Variants in ATOSA observed in about 807,000 individuals in gnomAD.
ATOSA encodes the protein atos homolog protein A.
chr15:52,587,019 G>T, the ATOSA span: 1 of 1,540,810 alleles, frequency 6.5e-7, no homozygotes, highest in Non-Finnish European at 8.7e-7. Context: ...CAGAGCAGGG[G>T]AACTCCAAAC....
chr15:52,663,955 T>G, the ATOSA span, among the ~76,000 whole-genome samples: 1 of 152,222 alleles, frequency 6.6e-6, no homozygotes, highest in African/African-American at 2.4e-5. Flanking sequence ...CGTATCTACA[T>G]AAAATGAATG....
chr15:52,643,270 G>T, the ATOSA span, among the ~76,000 whole-genome samples: 2 of 152,028 alleles, frequency 1.3e-5, no homozygotes, highest in Non-Finnish European at 2.9e-5. Context: ...AAAAATTATA[G>T]CTAGTGACTC....
chr15:52,634,482 T>C, the ATOSA span, among the ~76,000 whole-genome samples: 4 of 150,256 alleles, frequency 2.7e-5, no homozygotes, highest in East Asian at 3.9e-4. Flanking sequence ...ATATCAACAA[T>C]AACCTTAAAT....
chr15:52,665,276 G>C, the ATOSA span, among the ~76,000 whole-genome samples: 17 of 152,296 alleles, frequency 1.1e-4, no homozygotes, highest in Admixed American at 1.1e-3. Context: ...TTGAAATTAC[G>C]GGGGTGAGGG....
the ATOSA span, among the ~76,000 whole-genome samples, chr15:52,709,213 T>C: frequency 3.3e-5 from 5 of 152,198 alleles, no homozygotes; most frequent in South Asian, 4.1e-4. Context: ...AAACCCACGA[T>C]TGATCATTTT....
the ATOSA span, among the ~76,000 whole-genome samples, chr15:52,680,018 G>A: frequency 7.0e-6 from 1 of 143,752 alleles, no homozygotes; most frequent in Admixed American, 7.0e-5. Flanking sequence ...AAGGATTTTA[G>A]TAGGATTCAG....
chr15:52,681,916 G>A, the ATOSA span, among the ~76,000 whole-genome samples: 17 of 152,192 alleles, frequency 1.1e-4, 1 homozygote, highest in Non-Finnish European at 2.2e-4. Flanking sequence ...AGGCTGTTAC[G>A]ATGACCAAAG....
chr15:52,652,315 G>GT, the ATOSA span, among the ~76,000 whole-genome samples: 2 of 152,260 alleles, frequency 1.3e-5, no homozygotes, highest in East Asian at 1.9e-4. Flanking sequence ...AGAGAAATTC[G>GT]TAAGACAAAA....
At chr15:52,585,061 A>AT in the ATOSA span, 14 of 736,850 alleles carry the variant, frequency 1.9e-5, no homozygotes, top group Non-Finnish European at 2.9e-5. Context: ...CACTGAATAT[A>AT]ATTCAGTTTC....
At chr15:52,642,073 T>C in the ATOSA span, among the ~76,000 whole-genome samples, 7 of 152,278 alleles carry the variant, frequency 4.6e-5, no homozygotes, top group Admixed American at 3.9e-4. Flanking sequence ...CAATTATTTA[T>C]TTTGTGTTAT....
chr15:52,596,274 C>T, the ATOSA span, among the ~76,000 whole-genome samples: 5 of 152,004 alleles, frequency 3.3e-5, no homozygotes, highest in African/African-American at 7.3e-5. Context: ...TTAATGTAGG[C>T]CAAACAAAAT....
the ATOSA span, among the ~76,000 whole-genome samples, chr15:52,647,522 C>T: frequency 1.3e-5 from 2 of 152,152 alleles, no homozygotes; most frequent in African/African-American, 4.8e-5. Context: ...TAATTTCTGC[C>T]TTCCAGGCAG....
At chr15:52,583,036 T>C in the ATOSA span, among the ~76,000 whole-genome samples, 1 of 152,222 alleles carries the variant, frequency 6.6e-6, no homozygotes, top group African/African-American at 2.4e-5. Flanking sequence ...ATTTTACTCC[T>C]GAACTAGCTG....
At chr15:52,595,828 G>T in the ATOSA span, among the ~76,000 whole-genome samples, 1 of 152,212 alleles carries the variant, frequency 6.6e-6, no homozygotes, top group African/African-American at 2.4e-5. Flanking sequence ...CAAAAATCTG[G>T]GCTAGGCGTG....
the ATOSA span, among the ~76,000 whole-genome samples, chr15:52,619,351 A>G: frequency 2.0e-5 from 3 of 152,186 alleles, no homozygotes; most frequent in African/African-American, 7.2e-5. Context: ...GAATATGACT[A>G]ATTTTTGGGA....
At chr15:52,660,223 G>T in the ATOSA span, among the ~76,000 whole-genome samples, 1 of 152,126 alleles carries the variant, frequency 6.6e-6, no homozygotes. Context: ...CCTGTGACAG[G>T]TATGAGGAAA....
the ATOSA span, among the ~76,000 whole-genome samples, chr15:52,703,840 A>G: frequency 6.6e-6 from 1 of 152,236 alleles, no homozygotes; most frequent in East Asian, 1.9e-4. Context: ...TTAAAGTATA[A>G]TTTTTTAAAA....
chr15:52,641,276 T>C, the ATOSA span, among the ~76,000 whole-genome samples: 1 of 152,262 alleles, frequency 6.6e-6, no homozygotes, highest in Non-Finnish European at 1.5e-5. Flanking sequence ...CTGGATATTT[T>C]ACGAGAAAGG....
the ATOSA span, chr15:52,611,324 A>T: frequency 6.4e-7 from 1 of 1,560,870 alleles, no homozygotes; most frequent in South Asian, 1.2e-5. Context: ...GAATGGCAGA[A>T]GCTGAGATCC....
Sources: gnomAD v4.1 joint callset for allele counts (sites outside exome capture counted in the v4.1 genomes callset) on GRCh38, gnomAD v4.1.1 for gene constraint, MANE v1.5 for transcripts, NCBI Gene and HGNC (gene_info 2026-07-23, HGNC 2026-07-21) for gene names.